Variants in PARD3 observed in about 807,000 individuals in gnomAD.
The protein encoded by PARD3 is par-3 family cell polarity regulator, also known as partitioning defective 3 homolog.
A neutral mutation model predicts 155.4 loss-of-function variants in PARD3; 75 were observed. The ratio of observed to expected loss-of-function variants is 0.48; its 90% CI spans 0.40 to 0.58. The LOEUF (loss-of-function observed/expected upper bound fraction) is 0.58. PARD3 is among the 20% of genes least tolerant of loss of function. The pLI, the probability that PARD3 is intolerant of heterozygous loss-of-function variation, is 0.00. For missense variants in PARD3, 1,642 were observed against 1,721.7 expected, an observed-to-expected ratio of 0.95 and a Z score of 0.82; for synonymous variants, 576 against 610.5, an observed-to-expected ratio of 0.94 and a Z score of 0.83.
intron 22 of PARD3, among the ~76,000 whole-genome samples, chr10:34,198,453 G>GGTGT (rs59976562): frequency 0.021 from 3,142 of 146,986 alleles, 64 homozygotes; most frequent in East Asian, 0.095. Context: ...ATCACTAATT[G>GGTGT]GTGTGTGTGT....
At chr10:34,626,552 T>C in intron 2 of PARD3, among the ~76,000 whole-genome samples, 1 of 152,240 alleles carries the variant, frequency 6.6e-6, no homozygotes, top group East Asian at 1.9e-4. Flanking sequence ...AACTCTACAT[T>C]TTGGCATTAC....
intron 14 of PARD3, among the ~76,000 whole-genome samples, chr10:34,353,197 G>A (rs1425774870): frequency 6.6e-6 from 1 of 152,188 alleles, no homozygotes. Flanking sequence ...CTGCCTGGGC[G>A]CCACCCCGTC....
chr10:34,176,207 C>T (rs1328618309), intron 22 of PARD3, among the ~76,000 whole-genome samples: 1 of 151,964 alleles, frequency 6.6e-6, no homozygotes, highest in Non-Finnish European at 1.5e-5. Flanking sequence ...CGTATTAGAG[C>T]CAAGAAAATG....
intron 2 of PARD3, among the ~76,000 whole-genome samples, chr10:34,679,147 A>C (rs980763306): frequency 6.6e-6 from 1 of 152,146 alleles, no homozygotes; most frequent in Non-Finnish European, 1.5e-5. Context: ...CAAAACCTCA[A>C]GTAAAGGGTA....
chr10:34,519,684 C>T (rs1271745928), intron 2 of PARD3, among the ~76,000 whole-genome samples: 1 of 151,820 alleles, frequency 6.6e-6, no homozygotes, highest in African/African-American at 2.4e-5. Context: ...TGTGGTGGCA[C>T]GCTTCTGTAA....
intron 2 of PARD3, among the ~76,000 whole-genome samples, chr10:34,682,486 G>T (rs1301015451): frequency 6.6e-6 from 1 of 152,104 alleles, no homozygotes; most frequent in Non-Finnish European, 1.5e-5. Flanking sequence ...AAAAAAATAA[G>T]TGAAACTGAT....
chr10:34,722,558 C>G (rs2094625548), intron 1 of PARD3, among the ~76,000 whole-genome samples: 2 of 152,250 alleles, frequency 1.3e-5, no homozygotes, highest in South Asian at 4.1e-4. Context: ...TGATGTTCAG[C>G]ACGGTACTCC....
intron 19 of PARD3, among the ~76,000 whole-genome samples, chr10:34,322,408 T>C (rs1958436110): frequency 1.3e-5 from 2 of 152,226 alleles, no homozygotes; most frequent in African/African-American, 4.8e-5. Flanking sequence ...GGAAAATGTA[T>C]TTCCTTATTG....
At position 34,350,637 on chromosome 10, in the gene PARD3, G is replaced by GC. The variant is rs1277916900; in HGVS notation, c.2068-2523_2068-2522insG. The stretch of plus-strand genomic sequence containing the variant: ...AACAGAGAGACTCCATCTTGGCGGG[G>GC]GGGGAGGGGGGGTGGTAGAATTAAG... On this transcript the variant is annotated intron_variant, in intron 14 of 24. Coordinates refer to ENST00000374788, the MANE Select transcript of PARD3 (RefSeq NM_001184785.2). 2.7e-3 allele frequency among the ~76,000 whole-genome samples: 407 copies of GC among 150,180 alleles called. 5 individuals are homozygous for GC. The highest frequency in any genetic ancestry group is 9.7e-3 in the African/African-American group (391 of 40,196).
At chr10:34,803,553 G>A (rs1289868208) in intron 1 of PARD3, among the ~76,000 whole-genome samples, 2 of 152,166 alleles carry the variant, frequency 1.3e-5, no homozygotes, top group African/African-American at 2.4e-5. Flanking sequence ...CACTTTGGGA[G>A]GCCAAGGCAG....
chr10:34,154,137 A>C (rs1948893898), intron 22 of PARD3, among the ~76,000 whole-genome samples: 1 of 152,324 alleles, frequency 6.6e-6, no homozygotes, highest in East Asian at 1.9e-4. Flanking sequence ...GCATCCATAA[A>C]TTTATTGCAG....
intron 1 of PARD3, among the ~76,000 whole-genome samples, chr10:34,739,750 T>G (rs1456157700): frequency 6.6e-6 from 1 of 152,228 alleles, no homozygotes; most frequent in Non-Finnish European, 1.5e-5. Context: ...GAGTTCAGTA[T>G]GATATTCAAT....
intron 1 of PARD3, among the ~76,000 whole-genome samples, chr10:34,721,467 G>T (rs2094605289): frequency 6.6e-6 from 1 of 152,192 alleles, no homozygotes; most frequent in Non-Finnish European, 1.5e-5. Flanking sequence ...CAGGGAAGGA[G>T]TCTGACCCTC....
chr10:34,532,553 T>C (rs909733498), intron 2 of PARD3, among the ~76,000 whole-genome samples: 3 of 152,344 alleles, frequency 2.0e-5, no homozygotes, highest in East Asian at 1.9e-4. Flanking sequence ...ACTTTGTTAA[T>C]CTAATAAAGC....
intron 24 of PARD3, among the ~76,000 whole-genome samples, chr10:34,116,200 T>TA: frequency 6.6e-6 from 1 of 152,296 alleles, no homozygotes; most frequent in Middle Eastern, 3.4e-3. Context: ...GTTTCTTACT[T>TA]ACAGTTAGAA....
intron 3 of PARD3, among the ~76,000 whole-genome samples, chr10:34,497,295 T>C (rs970801985): frequency 3.3e-5 from 5 of 152,138 alleles, no homozygotes; most frequent in Non-Finnish European, 7.3e-5. Flanking sequence ...AAAAACAATA[T>C]AGTATAACAA....
At chr10:34,549,799 T>C (rs2084391373) in intron 2 of PARD3, among the ~76,000 whole-genome samples, 1 of 152,106 alleles carries the variant, frequency 6.6e-6, no homozygotes, top group Non-Finnish European at 1.5e-5. Context: ...AGATGAGGCA[T>C]ACTCTCCCAC....
chr10:34,413,146 C>T (rs774419337), intron 5 of PARD3, among the ~76,000 whole-genome samples: 2,006 of 82,514 alleles, frequency 0.024, 16 homozygotes, highest in South Asian at 0.057. Context: ...GATATATATA[C>T]ACACACACAC....
intron 2 of PARD3, among the ~76,000 whole-genome samples, chr10:34,639,874 A>C (rs1395599415): frequency 1.3e-5 from 2 of 151,636 alleles, no homozygotes; most frequent in Non-Finnish European, 2.9e-5. Flanking sequence ...ACACACACAC[A>C]CCACACACAC....
Sources: gnomAD v4.1 joint callset for allele counts (sites outside exome capture counted in the v4.1 genomes callset) on GRCh38, gnomAD v4.1.1 for gene constraint, MANE v1.5 for transcripts, NCBI Gene and HGNC (gene_info 2026-07-23, HGNC 2026-07-21) for gene names.